Variants in IFTAP observed in about 807,000 individuals in gnomAD.
The protein encoded by IFTAP is intraflagellar transport-associated protein.
In IFTAP, 19 loss-of-function variants were observed where a neutral mutation model predicts 19.4. That is an observed-to-expected ratio of 0.98 (90% confidence interval 0.68 to 1.44). IFTAP has a LOEUF of 1.44. Ranked by LOEUF, IFTAP falls within the 40% of genes most tolerant of loss-of-function variation. IFTAP has a pLI of 0.00. For synonymous variants in IFTAP, 85 were observed against 83.5 expected (o/e 1.02, Z -0.10); for missense variants, 240 against 253.6 (o/e 0.95, Z 0.36).
chr11:36,636,192 C>T, intron 4 of IFTAP, 75 bp downstream of exon 4: 1 of 1,172,492 alleles, frequency 8.5e-7, no homozygotes, highest in Non-Finnish European at 1.2e-6. Context: ...GACAGCTTTC[C>T]TGTTTTTGGC....
intron 4 of IFTAP, among the ~76,000 whole-genome samples, chr11:36,636,671 G>GA (rs1308612046): frequency 6.6e-6 from 1 of 151,954 alleles, no homozygotes; most frequent in Non-Finnish European, 1.5e-5. Flanking sequence ...CTATTCTAAA[G>GA]AAAATAAAAG....
At chr11:36,645,187 G>A (rs1289335248) in intron 4 of IFTAP, among the ~76,000 whole-genome samples, 1 of 152,064 alleles carries the variant, frequency 6.6e-6, no homozygotes, top group Non-Finnish European at 1.5e-5. Flanking sequence ...ATTTTCAGAT[G>A]TCAAGTAGAT....
At chr11:36,611,134 A>G (rs758156777) in intron 2 of IFTAP, among the ~76,000 whole-genome samples, 2 of 152,074 alleles carry the variant, frequency 1.3e-5, no homozygotes, top group Non-Finnish European at 2.9e-5. Context: ...CAGTCTAAAA[A>G]TGTGAGCTTA....
intron 1 of IFTAP, chr11:36,597,539 A>G (rs1331797769): frequency 2.0e-5 from 3 of 152,200 alleles, no homozygotes; most frequent in African/African-American, 7.2e-5. Context: ...ATTTTCATTT[A>G]TTCTCTCTGA....
chr11:36,601,147 G>A (rs532792314), intron 1 of IFTAP, among the ~76,000 whole-genome samples: 9 of 152,334 alleles, frequency 5.9e-5, no homozygotes, highest in African/African-American at 2.2e-4. Flanking sequence ...GTTAACAAGT[G>A]TTTGCAATAA....
In IFTAP at chr11:36,610,074, C is replaced by A; in HGVS notation, c.-23-7C>A. On this transcript the variant is annotated splice_polypyrimidine_tract_variant and splice_region_variant and intron_variant, in intron 1 of 5. Transcript: ENST00000334307. ...TTCTCTCTAGCTGGTATTTTTCTGT[C>A]TTGCAGATACTGTGGCCTCATGAAT... 1 of 1,608,766 alleles carries A rather than the reference C, an allele frequency of 6.2e-7. No individual in the cohort carries two copies. Among genetic ancestry groups the A allele is most frequent in the South Asian group, 1.1e-5 (1 of 90,354 alleles).
intron 1 of IFTAP, among the ~76,000 whole-genome samples, chr11:36,608,817 T>C (rs77906361): frequency 0.012 from 1,819 of 152,284 alleles, 21 homozygotes; most frequent in East Asian, 0.031. Flanking sequence ...ATGTGAAATT[T>C]TTTCCAGATA....
At chr11:36,617,441 A>G (rs1852135546) in intron 2 of IFTAP, among the ~76,000 whole-genome samples, 1 of 151,774 alleles carries the variant, frequency 6.6e-6, no homozygotes. Context: ...AACTTTATAT[A>G]TAAACTTTTG....
Position 36,645,456 on chromosome 11 carries a change from G to A in IFTAP, c.359-2560G>A, listed in dbSNP as rs538282291. Among the ~76,000 whole-genome samples the A allele has an allele frequency of 6.6e-5, 10 of 152,186 alleles. No homozygotes were observed. In the East Asian group the frequency reaches 1.5e-3, roughly 24 times the overall value. On this transcript the variant is annotated intron_variant, in intron 4 of 5. Coordinates refer to ENST00000334307, the MANE Select transcript of IFTAP (RefSeq NM_138787.4). ...TAAGATGAAAACAAAGCCTTTGATT[G>A]TTTTAGAAACAACACCTATATGATC...
chr11:36,597,505 A>T (rs1374631582), intron 1 of IFTAP: 1 of 152,164 alleles, frequency 6.6e-6, no homozygotes, highest in Admixed American at 6.5e-5. Flanking sequence ...TCCCAACCCC[A>T]TGCTAACATT....
intron 4 of IFTAP, among the ~76,000 whole-genome samples, chr11:36,643,497 C>A (rs1417888096): frequency 6.6e-6 from 1 of 152,210 alleles, no homozygotes; most frequent in African/African-American, 2.4e-5. Context: ...GGAAAAACTA[C>A]TTTAAAGTTC....
At position 36,596,211 on chromosome 11, in the gene IFTAP, G is replaced by GTTTTTTTTTTTTTTTTTTTTT. The variant is rs1243664769; in HGVS notation, c.-24+1629_-24+1630insTTTTTTTTTTTTTTTTTTTTT. 4.9e-5 allele frequency among the ~76,000 whole-genome samples: 5 copies of GTTTTTTTTTTTTTTTTTTTTT among 101,150 alleles called. 1 individual carries two copies. Among genetic ancestry groups the GTTTTTTTTTTTTTTTTTTTTT allele is most frequent in the African/African-American group, 2.1e-4 (5 of 24,308 alleles). 66.4% of individuals were successfully genotyped at this position (101,150 alleles called of 152,430 possible). On this transcript the variant is annotated intron_variant, in intron 1 of 5. Transcript: ENST00000334307. Reference sequence around the variant, plus strand: ...CTGGTCACTCTAATGAGATGGTAGTGTTTTTTTTTTGTTTTTTTTTTTTTT... The same window carrying GTTTTTTTTTTTTTTTTTTTTT: ...CTGGTCACTCTAATGAGATGGTAGTGTTTTTTTTTTTTTTTTTTTTTTTTTTTTTTTGTTTTTTTTTTTTTT...
intron 2 of IFTAP, among the ~76,000 whole-genome samples, chr11:36,626,219 T>A (rs1852506152): frequency 6.6e-6 from 1 of 151,330 alleles, no homozygotes; most frequent in Non-Finnish European, 1.5e-5. Flanking sequence ...AATAAAAATG[T>A]TCAAGGGAAT....
chr11:36,630,047 AAAACAG>A (rs1852671445), intron 2 of IFTAP, among the ~76,000 whole-genome samples: 1 of 151,212 alleles, frequency 6.6e-6, no homozygotes, highest in South Asian at 2.1e-4. Context: ...ACCCTGATGA[AAAACAG>A]AAACAGAAGA....
intron 3 of IFTAP, 90 bp downstream of exon 3, chr11:36,633,528 A>G: frequency 9.6e-7 from 1 of 1,043,856 alleles, no homozygotes; most frequent in Non-Finnish European, 1.3e-6. Context: ...TAAACACTAG[A>G]CAGTTATTAG....
intron 4 of IFTAP, among the ~76,000 whole-genome samples, chr11:36,642,962 C>T (rs1380856653): frequency 6.6e-6 from 1 of 152,198 alleles, no homozygotes; most frequent in African/African-American, 2.4e-5. Flanking sequence ...CAAGGATGCC[C>T]TCTTTCACCA....
Position 36,633,302 on chromosome 11 carries a change from G to C in IFTAP, c.155G>C (p.Arg52Thr). Residue 52 changes from arginine to threonine, a missense_variant, in exon 3 of 6, where the codon AGG (arginine) becomes ACG (threonine). Coordinates refer to ENST00000334307, the MANE Select transcript of IFTAP (RefSeq NM_138787.4). ...HLSQEDHVSKRGVFGTDSSEN... is the reference protein window; with the variant it reads ...HLSQEDHVSKTGVFGTDSSEN... ...ATTTCAGAGGATCATGTGTCCAAAA[G>C]GGGAGTGTTTGGAACTGATTCTTCA... 6.4e-7 allele frequency: 1 copy of C among 1,568,884 alleles called. No homozygotes were observed. Among genetic ancestry groups the C allele is most frequent in the Non-Finnish European group, 8.6e-7 (1 of 1,160,844 alleles).
intron 5 of IFTAP, among the ~76,000 whole-genome samples, chr11:36,650,658 G>A (rs1475333971): frequency 6.7e-6 from 1 of 150,036 alleles, no homozygotes; most frequent in Non-Finnish European, 1.5e-5. Context: ...TTGGTGTGTT[G>A]CACCAACATT....
At chr11:36,650,483 A>G (rs1389497524) in intron 5 of IFTAP, among the ~76,000 whole-genome samples, 2 of 151,142 alleles carry the variant, frequency 1.3e-5, no homozygotes, top group African/African-American at 2.4e-5. Context: ...TAGCATATCC[A>G]TCACTTCAAA....
Sources: gnomAD v4.1 joint callset for allele counts (sites outside exome capture counted in the v4.1 genomes callset) on GRCh38, gnomAD v4.1.1 for gene constraint, MANE v1.5 for transcripts, NCBI Gene and HGNC (gene_info 2026-07-23, HGNC 2026-07-21) for gene names.